Variants in TBC1D23 observed in about 807,000 individuals in gnomAD.
TBC1D23 encodes HCV non-structural protein 4A-transactivated protein 1.
A neutral mutation model predicts 91.4 loss-of-function variants in TBC1D23; 55 were observed. That is an observed-to-expected ratio of 0.60 (90% CI 0.48 to 0.75). The LOEUF is 0.75. Among genes scored for constraint, TBC1D23 ranks in the 30% least tolerant of loss-of-function variants. TBC1D23 has a pLI of 0.00. For synonymous variants in TBC1D23, 289 were observed against 281.0 expected, an observed-to-expected ratio of 1.03 and a Z score of -0.28; for missense variants, 725 against 836.1, an observed-to-expected ratio of 0.87 and a Z score of 1.64.
intron 4 of TBC1D23, among the ~76,000 whole-genome samples, chr3:100,289,645 G>A (rs1247994541): frequency 6.6e-6 from 1 of 152,148 alleles, no homozygotes. Context: ...TGTGACCCGT[G>A]GCAGAGGAAT....
intron 1 of TBC1D23, chr3:100,261,392 G>T: frequency 2.5e-6 from 1 of 403,340 alleles, no homozygotes; most frequent in East Asian, 4.6e-5. Context: ...AGTCCTGGCT[G>T]TGGGAGTTGG....
intron 1 of TBC1D23, among the ~76,000 whole-genome samples, chr3:100,274,206 G>A (rs187153663): frequency 3.0e-4 from 46 of 152,196 alleles, no homozygotes; most frequent in African/African-American, 9.6e-4. Flanking sequence ...GTTTATTAAG[G>A]AATTATGTAG....
At chr3:100,291,436 G>T (rs1168261410) in intron 5 of TBC1D23, among the ~76,000 whole-genome samples, 3 of 152,104 alleles carry the variant, frequency 2.0e-5, no homozygotes, top group African/African-American at 7.2e-5. Context: ...ACAAAAATTA[G>T]TCGGGTGTGG....
At chr3:100,314,406 A>C (rs1200543271) in intron 15 of TBC1D23, among the ~76,000 whole-genome samples, 3 of 151,876 alleles carry the variant, frequency 2.0e-5, no homozygotes, top group Non-Finnish European at 4.4e-5. Context: ...TAACCGGCAC[A>C]AAAAAAATTT....
At chr3:100,317,676 C>G (rs1705774140) in intron 16 of TBC1D23, among the ~76,000 whole-genome samples, 1 of 134,532 alleles carries the variant, frequency 7.4e-6, no homozygotes, top group Non-Finnish European at 1.6e-5. Context: ...TTTTTCCCCT[C>G]TCTGTTGCCA....
intron 12 of TBC1D23, 126 bp downstream of exon 12, chr3:100,305,014 C>T (rs1705493837): frequency 3.6e-6 from 2 of 558,672 alleles, no homozygotes; most frequent in South Asian, 2.4e-5. Context: ...TCAATATTTT[C>T]AGAAAAGGCA....
At chr3:100,298,664 T>C (rs999363090) in intron 9 of TBC1D23, among the ~76,000 whole-genome samples, 1 of 152,212 alleles carries the variant, frequency 6.6e-6, no homozygotes, top group Admixed American at 6.5e-5. Flanking sequence ...GTATCTGCGC[T>C]GGTTATTGAG....
chr3:100,279,795 CT>C (rs1256039819), intron 2 of TBC1D23, 35 bp downstream of exon 2: 21 of 1,289,722 alleles, frequency 1.6e-5, no homozygotes, highest in Non-Finnish European at 2.2e-5. Flanking sequence ...AATGTAATCA[CT>C]GAAGAATAAT....
intron 18 of TBC1D23, among the ~76,000 whole-genome samples, chr3:100,321,308 G>A (rs577757856): frequency 2.0e-5 from 3 of 152,042 alleles, no homozygotes; most frequent in African/African-American, 4.8e-5. Context: ...TTCCTTCATC[G>A]AAAAATTCTT....
Position 100,320,927 on chromosome 3 carries a change from T to C in TBC1D23, c.1974T>C (p.Tyr658=). The change falls in exon 18 of 19, where the codon TAT becomes TAC. Residue 658 remains tyrosine (Y), a synonymous_variant. Transcript: ENST00000394144. ...ATCCTGAACTCATTACCTTCAAGTATGGAAATAGCAGTGCTTCAGGAATAG... is the reference window on the plus strand; with the variant it reads ...ATCCTGAACTCATTACCTTCAAGTACGGAAATAGCAGTGCTTCAGGAATAG... ...KKHPELITFK[Y]GNSSASGIEI... 6.2e-7 allele frequency: 1 copy of C among 1,608,550 alleles called. No homozygotes were observed. The highest frequency in any genetic ancestry group is 8.5e-7 in the Non-Finnish European group (1 of 1,178,324).
intron 12 of TBC1D23, among the ~76,000 whole-genome samples, chr3:100,306,009 CTG>C (rs1705510709): frequency 6.6e-6 from 1 of 152,188 alleles, no homozygotes; most frequent in Non-Finnish European, 1.5e-5. Context: ...CTTTCCGTAA[CTG>C]TTAATGGCTA....
chr3:100,261,657 C>G (rs1447250734), intron 1 of TBC1D23: 1 of 133,066 alleles, frequency 7.5e-6, no homozygotes, highest in Non-Finnish European at 1.8e-5. Context: ...TCTCACAGCT[C>G]GATTTCTGAG....
chr3:100,319,676 C>T (rs1399973794), intron 17 of TBC1D23, among the ~76,000 whole-genome samples: 2 of 152,166 alleles, frequency 1.3e-5, no homozygotes, highest in African/African-American at 2.4e-5. Flanking sequence ...GATCCGCCCA[C>T]CTCGGCCTCC....
Position 100,297,963 on chromosome 3 carries a change from A to G in TBC1D23, c.917A>G (p.Lys306Arg). Reference sequence around the variant, plus strand: ...TTTGGTAGTACTTTGTTGGGAATTAAGGATGATGATGCAGATCTGAGTCAG... The same window carrying G: ...TTTGGTAGTACTTTGTTGGGAATTAGGGATGATGATGCAGATCTGAGTCAG... ...HLFGSTLLGI[K>R]DDDADLSQAL... The change falls in exon 9 of 19, where the codon AAG becomes AGG. Residue 306 changes from lysine to arginine, a missense_variant. Lys to Arg is a conservative substitution (Grantham distance 26). Coordinates refer to ENST00000394144, the MANE Select transcript of TBC1D23 (RefSeq NM_001199198.3). 1.2e-6 allele frequency: 2 copies of G among 1,612,594 alleles called. No individual in the cohort carries two copies. The highest frequency in any genetic ancestry group is 8.5e-7 in the Non-Finnish European group (1 of 1,178,712).
At chr3:100,295,635 C>T (rs902306083) in intron 7 of TBC1D23, among the ~76,000 whole-genome samples, 1 of 152,098 alleles carries the variant, frequency 6.6e-6, no homozygotes, top group East Asian at 1.9e-4. Context: ...TCCTCCCTAC[C>T]CATCCTTAAT....
intron 10 of TBC1D23, among the ~76,000 whole-genome samples, chr3:100,299,632 C>G (rs1020186609): frequency 6.6e-6 from 1 of 152,168 alleles, no homozygotes; most frequent in Non-Finnish European, 1.5e-5. Context: ...GCCTCACCCT[C>G]CCTAGTAGGT....
chr3:100,274,576 C>T (rs1015856370), intron 1 of TBC1D23, among the ~76,000 whole-genome samples: 28 of 151,854 alleles, frequency 1.8e-4, no homozygotes, highest in African/African-American at 6.5e-4. Context: ...TCATTCTCCC[C>T]TCCCTCTGCC....
chr3:100,263,195 A>C (rs543576805), intron 1 of TBC1D23, among the ~76,000 whole-genome samples: 1 of 152,252 alleles, frequency 6.6e-6, no homozygotes, highest in Admixed American at 6.5e-5. Flanking sequence ...TCTGGCGGGC[A>C]GAGTGGGTGT....
At chr3:100,264,683 A>G (rs541624953) in intron 1 of TBC1D23, among the ~76,000 whole-genome samples, 6 of 152,266 alleles carry the variant, frequency 3.9e-5, no homozygotes, top group South Asian at 4.1e-4. Context: ...TGGTATCTCA[A>G]TTTGTTCCTA....
Sources: allele counts gnomAD v4.1 joint callset (sites outside exome capture counted in the v4.1 genomes callset), GRCh38; gene constraint gnomAD v4.1.1; transcripts MANE v1.5; gene names NCBI Gene and HGNC (gene_info 2026-07-23, HGNC 2026-07-21).